Variants in LIMCH1 observed in about 807,000 individuals in gnomAD.
LIMCH1 encodes the protein LIM and calponin homology domains 1.
Under a neutral mutation model 176.5 loss-of-function variants are expected in LIMCH1, and 113 were observed. That is an observed-to-expected ratio of 0.64 (90% CI 0.55 to 0.75). The LOEUF (loss-of-function observed/expected upper bound fraction) is 0.75. Ranked by LOEUF, LIMCH1 falls within the 30% of genes least tolerant of loss-of-function variation. The probability of loss-of-function intolerance (pLI) is 0.00; values close to 1 mark genes in which losing one functional copy is unlikely to be tolerated. For synonymous variants in LIMCH1, 619 were observed against 645.9 expected (o/e 0.96, Z 0.63); for missense variants, 1,674 against 1,814.9 (o/e 0.92, Z 1.41).
Position 41,619,688 on chromosome 4 carries a change from C to G in LIMCH1, c.458+248C>G. 3 of 543,696 alleles carry G rather than the reference C, an allele frequency of 5.5e-6. No individual in the cohort carries two copies. In the South Asian group the frequency reaches 7.4e-5, roughly 13 times the overall value. The allele number at this position is 543,696 out of a possible 1,614,324, so 33.7% of individuals were successfully genotyped here. A position where few individuals can be genotyped will look rare whatever the true frequency, so the allele number is the denominator to read the frequency against. On this transcript the variant is annotated intron_variant, in intron 6 of 31. Transcript: ENST00000503057. ...ACTACTTGTCTAAATAAGCAGATTTCTGAAACCAATTCTGTTGATAGGACA... is the reference window on the plus strand; with the variant it reads ...ACTACTTGTCTAAATAAGCAGATTTGTGAAACCAATTCTGTTGATAGGACA...
intron 5 of LIMCH1, among the ~76,000 whole-genome samples, chr4:41,616,497 C>G (rs1230817144): frequency 6.6e-6 from 1 of 151,756 alleles, no homozygotes; most frequent in Non-Finnish European, 1.5e-5. Context: ...CCATTGCACT[C>G]CAGACTGGAC....
At chr4:41,611,911 C>T (rs542437196) in intron 4 of LIMCH1, among the ~76,000 whole-genome samples, 5 of 152,242 alleles carry the variant, frequency 3.3e-5, no homozygotes, top group African/African-American at 1.2e-4. Context: ...CTTCCTTTTT[C>T]AGTTAGTCAG....
chr4:41,598,867 T>C (rs1561874504), intron 1 of LIMCH1, 53 bp from the exon 2 acceptor site: 12 of 1,209,320 alleles, frequency 9.9e-6, no homozygotes, highest in Non-Finnish European at 1.2e-5. Context: ...AGGGGCTGGT[T>C]CATAAAGATA....
chr4:41,461,219 A>T (rs568462301), intron 1 of LIMCH1, among the ~76,000 whole-genome samples: 1 of 152,180 alleles, frequency 6.6e-6, no homozygotes, highest in Non-Finnish European at 1.5e-5. Flanking sequence ...GTGTTTTAGT[A>T]TGACTTGCTC....
chr4:41,563,568 T>C (rs568760744), intron 1 of LIMCH1, among the ~76,000 whole-genome samples: 59 of 152,312 alleles, frequency 3.9e-4, no homozygotes, highest in Non-Finnish European at 7.5e-4. Flanking sequence ...CAAATTTCTT[T>C]CCTCCATTGT....
At chr4:41,604,157 T>C in intron 3 of LIMCH1, 1 of 970,250 alleles carries the variant, frequency 1.0e-6, no homozygotes, top group Non-Finnish European at 1.2e-6. Flanking sequence ...TTGTACTCTG[T>C]TTATGATTCA....
chr4:41,575,236 A>G (rs1189421946), intron 1 of LIMCH1, among the ~76,000 whole-genome samples: 2 of 152,234 alleles, frequency 1.3e-5, no homozygotes, highest in Non-Finnish European at 2.9e-5. Context: ...TTTTAAAGGC[A>G]TTGTGATTGA....
chr4:41,569,491 T>G (rs2083232682), intron 1 of LIMCH1, among the ~76,000 whole-genome samples: 3 of 152,196 alleles, frequency 2.0e-5, no homozygotes, highest in Admixed American at 2.0e-4. Context: ...CCAGGGGTTA[T>G]GCTAAGGGAG....
chr4:41,616,226 G>A (rs1374482685), intron 5 of LIMCH1, among the ~76,000 whole-genome samples: 1 of 152,048 alleles, frequency 6.6e-6, no homozygotes, highest in Non-Finnish European at 1.5e-5. Context: ...AGATTAAAAA[G>A]CGAAGGGTTG....
At chr4:41,688,152 G>A (rs1205739376) in intron 29 of LIMCH1, among the ~76,000 whole-genome samples, 1 of 152,152 alleles carries the variant, frequency 6.6e-6, no homozygotes, top group South Asian at 2.1e-4. Flanking sequence ...ATGGCCATAG[G>A]GCTTTAATTA....
rs199631930 is a variant in LIMCH1 at position 41,542,363 on chromosome 4, TTC to T, written c.-241+4015_-241+4016del. Among the ~76,000 whole-genome samples, 433 of 119,968 alleles carry T rather than the reference TTC, an allele frequency of 3.6e-3. 4 individuals are homozygous for T. The highest frequency in any genetic ancestry group is 0.019 in the African/African-American group (410 of 21,374). The allele number at this position is 119,968 out of a possible 152,430, so 78.7% of individuals were successfully genotyped here. A position where few individuals can be genotyped will look rare whatever the true frequency, so the allele number is the denominator to read the frequency against. On this transcript the variant is annotated intron_variant, in intron 1 of 31. Transcript: ENST00000503057. ...ATGTGTTTTTCTCTCTTTCTTTCTT[TTC>T]TTTTTTTTTTTCCTGATGGCCAGAG...
rs375117814 is a variant in LIMCH1, at chr4:41,576,810, T to TA, written c.-240-22101dup. 9.9e-4 allele frequency among the ~76,000 whole-genome samples: 150 copies of TA among 151,112 alleles called. 1 individual carries two copies. The highest frequency in any genetic ancestry group is 1.7e-3 in the Non-Finnish European group (117 of 67,694). ...ATTCTTTATCTTATCTTTGACTAATTAAAAAAAAAGCAAGATGTACCTACA... is the reference window on the plus strand; with the variant it reads ...ATTCTTTATCTTATCTTTGACTAATTAAAAAAAAAAGCAAGATGTACCTACA... On this transcript the variant is annotated intron_variant, in intron 1 of 31. Transcript: ENST00000503057.
upstream of LIMCH1, among the ~76,000 whole-genome samples, chr4:41,536,207 A>C (rs76403176): frequency 0.033 from 5,094 of 152,298 alleles, 259 homozygotes; most frequent in African/African-American, 0.11. Flanking sequence ...GTTGTTTGAC[A>C]ACAGGAAAAA....
At chr4:41,676,306 A>G in intron 22 of LIMCH1, 76 bp from the exon 23 acceptor site, 1 of 1,157,184 alleles carries the variant, frequency 8.6e-7, no homozygotes, top group Non-Finnish European at 1.3e-6. Context: ...GCCAGAGGCC[A>G]ATTGTCTACT....
chr4:41,469,024 G>T (rs1440326152), intron 1 of LIMCH1, among the ~76,000 whole-genome samples: 1 of 152,192 alleles, frequency 6.6e-6, no homozygotes, highest in Admixed American at 6.5e-5. Flanking sequence ...CTCCAACGTA[G>T]TCAAACAGGC....
At chr4:41,549,189 G>A (rs910638480) in intron 1 of LIMCH1, among the ~76,000 whole-genome samples, 3 of 152,032 alleles carry the variant, frequency 2.0e-5, no homozygotes, top group Admixed American at 2.0e-4. Flanking sequence ...ACTGTGCTGG[G>A]CCTGTTAATA....
intron 1 of LIMCH1, among the ~76,000 whole-genome samples, chr4:41,388,088 C>G (rs1281658541): frequency 2.0e-5 from 3 of 152,032 alleles, no homozygotes; most frequent in African/African-American, 7.2e-5. Flanking sequence ...CCAGCCTGGG[C>G]GAAAGAGCAA....
At chr4:41,584,098 A>G (rs2086020122) in intron 1 of LIMCH1, among the ~76,000 whole-genome samples, 1 of 152,206 alleles carries the variant, frequency 6.6e-6, no homozygotes, top group Admixed American at 6.5e-5. Flanking sequence ...AATGTCATCC[A>G]CATGCCTGAC....
At chr4:41,501,826 C>T (rs1326367751) in intron 2 of LIMCH1, among the ~76,000 whole-genome samples, 14 of 138,900 alleles carry the variant, frequency 1.0e-4, no homozygotes, top group African/African-American at 3.5e-4. Flanking sequence ...AAATCAATGG[C>T]ATTTTCACTC....
Sources: gnomAD v4.1 joint callset for allele counts (sites outside exome capture counted in the v4.1 genomes callset) on GRCh38, gnomAD v4.1.1 for gene constraint, MANE v1.5 for transcripts, NCBI Gene and HGNC (gene_info 2026-07-23, HGNC 2026-07-21) for gene names.